Variants in MEI4 observed in about 807,000 individuals in gnomAD.
MEI4 encodes meiosis-specific protein MEI4.
A neutral mutation model predicts 31.4 loss-of-function variants in MEI4; 27 were observed. That is an observed-to-expected ratio of 0.86 (90% CI 0.63 to 1.19). MEI4 has a LOEUF of 1.19. Ranked by LOEUF, MEI4 falls within the 50% of genes most tolerant of loss-of-function variation. The pLI is 0.00. For missense variants in MEI4, 329 were observed against 398.9 expected (o/e 0.82, Z 1.49); for synonymous variants, 122 against 145.4 (o/e 0.84, Z 1.16).
At chr6:77,744,863 C>G (rs1302320907) in intron 2 of MEI4, among the ~76,000 whole-genome samples, 12 of 152,274 alleles carry the variant, frequency 7.9e-5, no homozygotes, top group African/African-American at 2.9e-4. Flanking sequence ...CATATCCAGC[C>G]AAACTAAGCT....
chr6:77,774,961 A>G (rs1768401661), intron 3 of MEI4, among the ~76,000 whole-genome samples: 1 of 151,966 alleles, frequency 6.6e-6, no homozygotes, highest in Admixed American at 6.6e-5. Flanking sequence ...ATGAAAGGAG[A>G]ATCTTTCCTT....
At chr6:77,796,492 C>T (rs1237070219) in intron 3 of MEI4, among the ~76,000 whole-genome samples, 1 of 152,024 alleles carries the variant, frequency 6.6e-6, no homozygotes, top group East Asian at 1.9e-4. Context: ...ACTGTTAGAA[C>T]TAATATATGA....
chr6:77,802,358 G>T (rs1434401634), intron 3 of MEI4, among the ~76,000 whole-genome samples: 1 of 152,108 alleles, frequency 6.6e-6, no homozygotes, highest in Non-Finnish European at 1.5e-5. Flanking sequence ...TTGAGCCTAT[G>T]TGTGTCTCTG....
At chr6:77,887,292 CT>C (rs905833044) in intron 4 of MEI4, among the ~76,000 whole-genome samples, 29 of 137,718 alleles carry the variant, frequency 2.1e-4, no homozygotes, top group African/African-American at 7.3e-4. Flanking sequence ...TATTTCTTTT[CT>C]TTTTTATTCT....
chr6:77,748,218 C>G lies in MEI4; in HGVS notation c.233-12912C>G, dbSNP rs114028050. On this transcript the variant is annotated intron_variant, in intron 2 of 4. Coordinates refer to ENST00000684080, the MANE Select transcript of MEI4 (RefSeq NM_001322247.2). ...GGACTGTGCTGTGGCTCCAACCCCA[C>G]GTTTGCCTTCCACACTGCCATAGCA... Among the ~76,000 whole-genome samples the G allele has an allele frequency of 5.3e-5, 8 of 152,306 alleles. No homozygotes were observed. In the East Asian group the frequency reaches 1.5e-3, roughly 29 times the overall value.
intron 1 of MEI4, among the ~76,000 whole-genome samples, chr6:77,657,217 T>C (rs766339770): frequency 1.3e-5 from 2 of 152,244 alleles, no homozygotes; most frequent in Non-Finnish European, 2.9e-5. Context: ...TACCTCATTT[T>C]CATTACTCAT....
rs1766191963 is a variant in MEI4, at chr6:77,901,696, G to A, written c.901-21393G>A. Among the ~76,000 whole-genome samples, 6 of 152,012 alleles carry A rather than the reference G, an allele frequency of 3.9e-5. No homozygotes were observed. The South Asian group carries it at 1.2e-3, about 32-fold the overall frequency. ...CATTCTGTTTATTGTTTCCTTGGCT[G>A]TTCAGAAGCTTTTTAGCTTAGTATA... On this transcript the variant is annotated intron_variant, in intron 4 of 4. Coordinates refer to ENST00000684080, the MANE Select transcript of MEI4 (RefSeq NM_001322247.2).
At position 77,705,415 on chromosome 6, in the gene MEI4, G is replaced by A. The variant is rs551659324; in HGVS notation, c.232+14512G>A. Among the ~76,000 whole-genome samples, 71 of 152,212 alleles carry A rather than the reference G, an allele frequency of 4.7e-4. 1 individual carries two copies. Among genetic ancestry groups the A allele is most frequent in the Admixed American group, 1.6e-3 (25 of 15,286 alleles). ...GCAATAAGACAAAACAAATTTACTC[G>A]TAAATAAAGTTTACAAGTAATATCA... On this transcript the variant is annotated intron_variant, in intron 2 of 4. Coordinates refer to ENST00000684080, the MANE Select transcript of MEI4 (RefSeq NM_001322247.2).
chr6:77,839,123 G>C (rs1048911680), intron 4 of MEI4, among the ~76,000 whole-genome samples: 22 of 152,132 alleles, frequency 1.4e-4, no homozygotes, highest in Non-Finnish European at 3.2e-4. Context: ...TTTTGGGCAA[G>C]AGGACTGGTA....
intron 4 of MEI4, among the ~76,000 whole-genome samples, chr6:77,872,878 G>A (rs1290479360): frequency 1.5e-4 from 22 of 150,760 alleles, no homozygotes; most frequent in Non-Finnish European, 3.0e-4. Flanking sequence ...ATGATTTCCA[G>A]TTTCATCCAT....
chr6:77,728,747 C>T (rs1459730068), intron 2 of MEI4, among the ~76,000 whole-genome samples: 2 of 152,178 alleles, frequency 1.3e-5, no homozygotes, highest in Non-Finnish European at 2.9e-5. Flanking sequence ...TGAGCAGAAA[C>T]AGCCAGTGTG....
At chr6:77,894,222 C>T (rs1766028050) in intron 4 of MEI4, among the ~76,000 whole-genome samples, 1 of 150,966 alleles carries the variant, frequency 6.6e-6, no homozygotes, top group South Asian at 2.1e-4. Context: ...ATTACTTTTT[C>T]TTTATGCAGA....
intron 4 of MEI4, among the ~76,000 whole-genome samples, chr6:77,851,717 G>T (rs915488033): frequency 6.6e-6 from 1 of 151,752 alleles, no homozygotes; most frequent in African/African-American, 2.4e-5. Context: ...CACCAACATG[G>T]TACATGTATA....
chr6:77,738,377 T>G (rs1448599072), intron 2 of MEI4, among the ~76,000 whole-genome samples: 1 of 152,218 alleles, frequency 6.6e-6, no homozygotes, highest in Non-Finnish European at 1.5e-5. Context: ...TGATGCAAAT[T>G]GCTAGAATGG....
At chr6:77,693,536 A>T (rs1443608820) in intron 2 of MEI4, among the ~76,000 whole-genome samples, 2 of 152,094 alleles carry the variant, frequency 1.3e-5, no homozygotes, top group Non-Finnish European at 2.9e-5. Flanking sequence ...TCAAAAAATC[A>T]TATAATTAAA....
At chr6:77,896,724 G>T (rs1242004965) in intron 4 of MEI4, among the ~76,000 whole-genome samples, 1 of 151,872 alleles carries the variant, frequency 6.6e-6, no homozygotes, top group African/African-American at 2.4e-5. Flanking sequence ...ATGCAAAAAG[G>T]AATTATCTTC....
chr6:77,869,382 G>A (rs1260032709), intron 4 of MEI4, among the ~76,000 whole-genome samples: 6 of 152,100 alleles, frequency 3.9e-5, no homozygotes, highest in Non-Finnish European at 5.9e-5. Context: ...AGCCTTTGAA[G>A]AACAGATTAA....
At chr6:77,761,030 T>C (rs1171388299) in intron 2 of MEI4, 100 bp from the exon 3 acceptor site, 1 of 797,418 alleles carries the variant, frequency 1.3e-6, no homozygotes, top group South Asian at 6.7e-5. Flanking sequence ...TGTGTATTTA[T>C]ATACTTCATT....
intron 4 of MEI4, among the ~76,000 whole-genome samples, chr6:77,917,135 G>A (rs1415735478): frequency 6.6e-6 from 1 of 151,948 alleles, no homozygotes; most frequent in African/African-American, 2.4e-5. Flanking sequence ...ATTCCGTGGT[G>A]TATATGTGCC....
Sources: allele counts gnomAD v4.1 joint callset (sites outside exome capture counted in the v4.1 genomes callset), GRCh38; gene constraint gnomAD v4.1.1; transcripts MANE v1.5; gene names NCBI Gene and HGNC (gene_info 2026-07-23, HGNC 2026-07-21).